The following ZNF292 variants were observed in gnomAD, a reference collection of about 807,000 sequenced individuals.
The protein encoded by ZNF292 is zinc finger protein 292.
ZNF292 carries 26 observed loss-of-function variants against 217.9 expected under a neutral mutation model. The ratio of observed to expected loss-of-function variants is 0.12; its 90% CI spans 0.09 to 0.17. The LOEUF is 0.17. Ranked by LOEUF, ZNF292 falls within the 10% of genes least tolerant of loss-of-function variation. ZNF292 has a pLI of 1.00. For missense variants in ZNF292, 2,904 were observed against 3,175.2 expected (o/e 0.91, Z 2.05); for synonymous variants, 1,257 against 1,124.1 (o/e 1.12, Z -2.37).
At chr6:87,216,429 C>T in intron 3 of ZNF292, 52 bp downstream of exon 3, 2 of 1,343,070 alleles carry the variant, frequency 1.5e-6, no homozygotes, top group South Asian at 1.3e-5. Flanking sequence ...TGTCAGTTTT[C>T]CTTACTCTTA....
At position 87,216,275 on chromosome 6, in the gene ZNF292, C is replaced by T. The variant is rs776272905; in HGVS notation, c.324-24C>T. Reference sequence around the variant, plus strand: ...TTTGAATTTTAATAATTATTCCTCTCCTTACCAACTTTTTGTTTTTTAGAA... The same window carrying T: ...TTTGAATTTTAATAATTATTCCTCTTCTTACCAACTTTTTGTTTTTTAGAA... On this transcript the variant is annotated intron_variant, in intron 2 of 7. Coordinates refer to ENST00000369577, the MANE Select transcript of ZNF292 (RefSeq NM_015021.3). The T allele has an allele frequency of 3.9e-6, 6 of 1,548,116 alleles. No homozygotes were observed. The Admixed American group carries it at 9.7e-5, about 25-fold the overall frequency.
chr6:87,167,053 C>G (rs1027150202), intron 1 of ZNF292, among the ~76,000 whole-genome samples: 1 of 152,110 alleles, frequency 6.6e-6, no homozygotes, highest in African/African-American at 2.4e-5. Flanking sequence ...TGACTCTTTT[C>G]CTGAAATAGG....
intron 1 of ZNF292, among the ~76,000 whole-genome samples, chr6:87,188,094 G>A (rs1330904508): frequency 6.6e-6 from 1 of 152,186 alleles, no homozygotes; most frequent in South Asian, 2.1e-4. Flanking sequence ...GACTGTATGA[G>A]CCAAATAAAA....
At position 87,257,616 on chromosome 6, in the gene ZNF292, C is replaced by T. The variant is rs1164990170; in HGVS notation, c.3987C>T (p.Asn1329=). 6 of 1,607,642 alleles carry T rather than the reference C, an allele frequency of 3.7e-6. No individual in the cohort carries two copies. In the Admixed American group the frequency reaches 5.1e-5, roughly 14 times the overall value. ...VFPSQVNVAN[N]FSSTNAQQSA... ...CTTCACAAGTGAATGTTGCAAATAA[C>T]TTCAGTAGCACCAATGCCCAACAGT... Residue 1329 remains asparagine, a synonymous_variant, in exon 8 of 8, where the codon AAC becomes AAT. Transcript: ENST00000369577.
intron 1 of ZNF292, among the ~76,000 whole-genome samples, chr6:87,156,176 T>C (rs1202428991): frequency 6.6e-6 from 1 of 152,220 alleles, no homozygotes; most frequent in Non-Finnish European, 1.5e-5. Context: ...CCGACGGGCC[T>C]CCGCCCCCAC....
intron 1 of ZNF292, among the ~76,000 whole-genome samples, chr6:87,211,240 G>T (rs1772470073): frequency 6.6e-6 from 1 of 152,160 alleles, no homozygotes; most frequent in South Asian, 2.1e-4. Context: ...TGGTTTGGTA[G>T]TTCTGTCTTA....
chr6:87,203,394 C>T (rs1772150941), intron 1 of ZNF292, among the ~76,000 whole-genome samples: 1 of 152,174 alleles, frequency 6.6e-6, no homozygotes, highest in South Asian at 2.1e-4. Flanking sequence ...CCACCCGCCT[C>T]AGCCTACCAA....
chr6:87,259,212 A>G lies in ZNF292; in HGVS notation c.5583A>G (p.Val1861=). The part of the protein sequence containing the change: ...NDLSTPASQC[V]LINTSVTLTP... Reference sequence around the variant, plus strand: ...TATCCACTCCAGCATCCCAATGTGTACTGATAAATACATCAGTGACACTGA... The same window carrying G: ...TATCCACTCCAGCATCCCAATGTGTGCTGATAAATACATCAGTGACACTGA... Residue 1861 remains valine (V), a synonymous_variant, in exon 8 of 8, where the codon GTA becomes GTG. Coordinates refer to ENST00000369577, the MANE Select transcript of ZNF292 (RefSeq NM_015021.3). 11 of 1,613,730 alleles carry G rather than the reference A, an allele frequency of 6.8e-6. No homozygotes were observed. The highest frequency in any genetic ancestry group is 9.3e-6 in the Non-Finnish European group (11 of 1,179,714).
chr6:87,202,485 A>G (rs1332834333), intron 1 of ZNF292, among the ~76,000 whole-genome samples: 1 of 152,076 alleles, frequency 6.6e-6, no homozygotes, highest in Non-Finnish European at 1.5e-5. Context: ...TCTGGTTCTT[A>G]CTGCTTTTAT....
rs944874469 is a variant in ZNF292 at position 87,265,672 on chromosome 6, A to C, written c.*3871A>C. Among the ~76,000 whole-genome samples, 1 of 152,248 alleles carries C rather than the reference A, an allele frequency of 6.6e-6. No individual in the cohort carries two copies. The highest frequency in any genetic ancestry group is 6.5e-5 in the Admixed American group (1 of 15,284). On this transcript the variant is annotated 3_prime_UTR_variant, in exon 8 of 8. Transcript: ENST00000369577. ...ATACTTAGTTATATCCCACTGAACTAGCATTCTAAAGAACACACTTTGGGA... is the reference window on the plus strand; with the variant it reads ...ATACTTAGTTATATCCCACTGAACTCGCATTCTAAAGAACACACTTTGGGA...
intron 1 of ZNF292, among the ~76,000 whole-genome samples, chr6:87,211,114 T>C (rs1412623857): frequency 1.3e-5 from 2 of 152,232 alleles, no homozygotes; most frequent in African/African-American, 2.4e-5. Context: ...CTTTAATATA[T>C]GACTCCTTTC....
chr6:87,215,816 C>G, intron 1 of ZNF292, 87 bp from the exon 2 acceptor site: 2 of 1,067,750 alleles, frequency 1.9e-6, no homozygotes, highest in South Asian at 4.3e-5. Flanking sequence ...CTGTATTTTT[C>G]AAAATTTTTC....
intron 7 of ZNF292, among the ~76,000 whole-genome samples, chr6:87,248,361 T>C (rs538531141): frequency 6.6e-6 from 1 of 152,352 alleles, no homozygotes; most frequent in South Asian, 2.1e-4. Context: ...GAGGAAAGAA[T>C]ATGAATGAAT....
In ZNF292 at chr6:87,256,229, A is replaced by G. The variant is rs1775204274; in HGVS notation, c.2600A>G (p.Lys867Arg). Residue 867 changes from lysine (K) to arginine (R), a missense_variant, in exon 8 of 8, where the codon AAA (lysine) becomes AGA (arginine). Coordinates refer to ENST00000369577, the MANE Select transcript of ZNF292 (RefSeq NM_015021.3). ...CAGAACACAGCAGAGAATATTGAGA[A>G]AGAAAGATCTATGCTTCCTTCAGAA... Reference protein sequence around the residue: ...VNQNTAENIEKERSMLPSENN... With the variant: ...VNQNTAENIERERSMLPSENN... 6.2e-7 allele frequency: 1 copy of G among 1,613,756 alleles called. No individual in the cohort carries two copies. The highest frequency in any genetic ancestry group is 8.5e-7 in the Non-Finnish European group (1 of 1,179,820).
chr6:87,215,978 A>C lies in ZNF292; in HGVS notation c.244A>C (p.Ile82Leu). 1 of 1,591,658 alleles carries C rather than the reference A, an allele frequency of 6.3e-7. No individual in the cohort carries two copies. The highest frequency in any genetic ancestry group is 8.5e-7 in the Non-Finnish European group (1 of 1,174,024). ...TTTATTGGAGGTATACACAGTGGCT[A>C]TCCAAAGTTATGTTAAAGCCCGACC... ...LPLLEVYTVA[I>L]QSYVKARPYL... Residue 82 changes from isoleucine (I) to leucine (L), a missense_variant, in exon 2 of 8, where the codon ATC becomes CTC. Coordinates refer to ENST00000369577, the MANE Select transcript of ZNF292 (RefSeq NM_015021.3).
rs755772504 is a variant in ZNF292, at chr6:87,258,531, T to C, written c.4902T>C (p.Val1634=). The stretch of plus-strand genomic sequence containing the variant: ...GTGCTTCTAAGAGAAGAAAGAAAGT[T>C]GCTCCTCCACTAATTGCACCTAACG... ...GNSASKRRKK[V]APPLIAPNAS... Residue 1634 remains valine (V), a synonymous_variant, in exon 8 of 8, where the codon GTT becomes GTC. Transcript: ENST00000369577. The C allele has an allele frequency of 1.2e-6, 2 of 1,613,562 alleles. No individual in the cohort carries two copies. The highest frequency in any genetic ancestry group is 8.5e-7 in the Non-Finnish European group (1 of 1,179,788).
At position 87,258,158 on chromosome 6, in the gene ZNF292, C is replaced by T. The variant is rs758869577; in HGVS notation, c.4529C>T (p.Ser1510Phe). ...ACATTTGAGGGTGCCGAAATGCTTT[C>T]TCATGTTTCAACAGGTTGTGTCTCT... is the stretch of plus-strand genomic sequence containing the variant. ...PSTFEGAEMLSHVSTGCVSDA... is the reference protein window; with the variant it reads ...PSTFEGAEMLFHVSTGCVSDA... The change falls in exon 8 of 8, where the codon TCT becomes TTT. Residue 1510 changes from serine to phenylalanine, a missense_variant. Physicochemically the swap from Ser to Phe is radical, Grantham distance 155. This residue lies in a region of ZNF292 where 622 missense variants were observed against 573.1 expected (regional missense o/e 1.09). Coordinates refer to ENST00000369577, the MANE Select transcript of ZNF292 (RefSeq NM_015021.3). 8.7e-6 allele frequency: 14 copies of T among 1,612,008 alleles called. No individual in the cohort carries two copies. In the South Asian group the frequency reaches 1.5e-4, roughly 18 times the overall value.
chr6:87,177,246 G>A (rs1771331494), intron 1 of ZNF292, among the ~76,000 whole-genome samples: 1 of 151,390 alleles, frequency 6.6e-6, no homozygotes, highest in African/African-American at 2.4e-5. Flanking sequence ...AGAATCACTT[G>A]AACCTGGGAG....
At chr6:87,170,682 T>G (rs892135354) in intron 1 of ZNF292, among the ~76,000 whole-genome samples, 2 of 152,226 alleles carry the variant, frequency 1.3e-5, no homozygotes, top group African/African-American at 2.4e-5. Context: ...TTATAAATCT[T>G]GTTTTATTTG....
Sources: allele counts gnomAD v4.1 joint callset (sites outside exome capture counted in the v4.1 genomes callset), GRCh38; gene constraint gnomAD v4.1.1; regional missense constraint gnomAD v4.1.1; transcripts MANE v1.5; gene names NCBI Gene and HGNC (gene_info 2026-07-23, HGNC 2026-07-21).